Variants in MGMT observed in about 807,000 individuals in gnomAD.
MGMT encodes the protein methylated-DNA--protein-cysteine methyltransferase.
Under a neutral mutation model 15.9 loss-of-function variants are expected in MGMT, and 14 were observed. The observed-to-expected ratio is 0.88, with a 90% CI of 0.58 to 1.37. MGMT has a LOEUF of 1.37. MGMT is among the 40% of genes most tolerant of loss of function. The pLI is 0.00. For synonymous variants in MGMT, 130 were observed against 118.2 expected, an observed-to-expected ratio of 1.10 and a Z score of -0.65; for missense variants, 282 against 268.1, an observed-to-expected ratio of 1.05 and a Z score of -0.36.
intron 2 of MGMT, among the ~76,000 whole-genome samples, chr10:129,553,798 G>GC: frequency 6.6e-6 from 1 of 152,258 alleles, no homozygotes; most frequent in East Asian, 1.9e-4. Flanking sequence ...TTGCCTGCCT[G>GC]CCCCAAACGT....
At chr10:129,528,501 T>C (rs1417979695) in intron 1 of MGMT, among the ~76,000 whole-genome samples, 2 of 143,296 alleles carry the variant, frequency 1.4e-5, no homozygotes, top group Admixed American at 6.9e-5. Context: ...GAGGCTGGAG[T>C]GTGAGGGGCA....
intron 2 of MGMT, among the ~76,000 whole-genome samples, chr10:129,652,736 C>A (rs1022318116): frequency 6.6e-6 from 1 of 152,158 alleles, no homozygotes; most frequent in Non-Finnish European, 1.5e-5. Context: ...GATGGCCGGC[C>A]GGCCTGCCTG....
chr10:129,660,805 C>CACAT (rs1253002685), intron 2 of MGMT, among the ~76,000 whole-genome samples: 2 of 152,182 alleles, frequency 1.3e-5, no homozygotes, highest in African/African-American at 4.8e-5. Flanking sequence ...CACACGCACA[C>CACAT]ACATGCACAG....
At chr10:129,748,054 A>G (rs958907350) in intron 3 of MGMT, among the ~76,000 whole-genome samples, 2 of 152,110 alleles carry the variant, frequency 1.3e-5, no homozygotes, top group Non-Finnish European at 2.9e-5. Flanking sequence ...AGGTGACTCT[A>G]TGATAAAGTT....
intron 1 of MGMT, among the ~76,000 whole-genome samples, chr10:129,482,533 C>T (rs1453247711): frequency 6.6e-6 from 1 of 152,096 alleles, no homozygotes; most frequent in Non-Finnish European, 1.5e-5. Context: ...AGACTTATTA[C>T]CCCTTTCAGT....
intron 2 of MGMT, among the ~76,000 whole-genome samples, chr10:129,550,516 G>A (rs763074646): frequency 4.6e-5 from 7 of 150,874 alleles, no homozygotes; most frequent in Non-Finnish European, 8.8e-5. Context: ...GTGCGATCTC[G>A]GCTCACTGCA....
chr10:129,691,055 T>C (rs1847963913), intron 2 of MGMT, among the ~76,000 whole-genome samples: 2 of 152,160 alleles, frequency 1.3e-5, no homozygotes, highest in Non-Finnish European at 2.9e-5. Flanking sequence ...AAATAAGAGA[T>C]GTTGCAAAGC....
At chr10:129,468,910 A>C (rs1845200772) in intron 1 of MGMT, among the ~76,000 whole-genome samples, 1 of 152,186 alleles carries the variant, frequency 6.6e-6, no homozygotes, top group Non-Finnish European at 1.5e-5. Context: ...AATCTGTATC[A>C]AAATAAGGAT....
chr10:129,646,735 TA>T (rs1564747201), intron 2 of MGMT, among the ~76,000 whole-genome samples: 11 of 103,674 alleles, frequency 1.1e-4, no homozygotes, highest in African/African-American at 1.5e-4. Context: ...TATATATATA[TA>T]TATATATATA....
In MGMT at chr10:129,764,869, G is replaced by T. The variant is rs540065941; in HGVS notation, c.415-1919G>T. Among the ~76,000 whole-genome samples, 52 of 152,326 alleles carry T rather than the reference G, an allele frequency of 3.4e-4. 1 individual carries two copies. Among genetic ancestry groups the T allele is most frequent in the African/African-American group, 1.3e-3 (52 of 41,590 alleles). ...GAGAGGCCCCGGGTCTGCAGCATCC[G>T]TGTCTGGGCCATCTAGGTTGCGGGG... is the stretch of plus-strand genomic sequence containing the variant. On this transcript the variant is annotated intron_variant, in intron 4 of 4. Coordinates refer to ENST00000651593, the MANE Select transcript of MGMT (RefSeq NM_002412.5).
chr10:129,642,726 A>G (rs372770153), intron 2 of MGMT, among the ~76,000 whole-genome samples: 20 of 152,132 alleles, frequency 1.3e-4, no homozygotes, highest in African/African-American at 4.8e-4. Flanking sequence ...AGCATTCCAC[A>G]GGTGTATGTT....
chr10:129,469,956 C>T (rs1432275969), intron 1 of MGMT, among the ~76,000 whole-genome samples: 1 of 152,130 alleles, frequency 6.6e-6, no homozygotes, highest in Non-Finnish European at 1.5e-5. Context: ...AAGTGATCTT[C>T]CCTCCTAGGC....
At chr10:129,517,915 G>C (rs1845757236) in intron 1 of MGMT, among the ~76,000 whole-genome samples, 1 of 152,218 alleles carries the variant, frequency 6.6e-6, no homozygotes, top group South Asian at 2.1e-4. Flanking sequence ...TACCATGATG[G>C]GTTGTGGCTT....
At chr10:129,471,238 A>G (rs554376958) in intron 1 of MGMT, among the ~76,000 whole-genome samples, 9 of 152,350 alleles carry the variant, frequency 5.9e-5, no homozygotes, top group Admixed American at 5.2e-4. Context: ...AAATTGAGTC[A>G]TATGCATAGA....
chr10:129,597,625 C>G (rs975797253), intron 2 of MGMT, among the ~76,000 whole-genome samples: 2 of 152,202 alleles, frequency 1.3e-5, no homozygotes, highest in Admixed American at 1.3e-4. Context: ...TGCTCTTCCC[C>G]TCTGTGACTG....
intron 2 of MGMT, among the ~76,000 whole-genome samples, chr10:129,576,764 C>T (rs541192730): frequency 3.7e-4 from 56 of 152,306 alleles, no homozygotes; most frequent in Middle Eastern, 6.8e-3. Context: ...TTGCAGATGA[C>T]GTGATTGTAT....
chr10:129,676,802 A>G (rs879920882), intron 2 of MGMT, among the ~76,000 whole-genome samples: 1 of 152,230 alleles, frequency 6.6e-6, no homozygotes, highest in Non-Finnish European at 1.5e-5. Context: ...TAGAAGTAAA[A>G]TGACCTCATA....
intron 2 of MGMT, among the ~76,000 whole-genome samples, chr10:129,625,513 A>G (rs1212024118): frequency 6.6e-6 from 1 of 152,246 alleles, no homozygotes; most frequent in African/African-American, 2.4e-5. Context: ...AAAAATATGT[A>G]TATTTCCAGT....
At chr10:129,572,690 T>C (rs1451527956) in intron 2 of MGMT, among the ~76,000 whole-genome samples, 4 of 152,028 alleles carry the variant, frequency 2.6e-5, no homozygotes, top group African/African-American at 9.6e-5. Context: ...TAAGTTGTGG[T>C]CATACGGAAG....
Sources: allele counts gnomAD v4.1 joint callset (sites outside exome capture counted in the v4.1 genomes callset), GRCh38; gene constraint gnomAD v4.1.1; transcripts MANE v1.5; gene names NCBI Gene and HGNC (gene_info 2026-07-23, HGNC 2026-07-21).